Variants in ERICH6B observed in about 807,000 individuals in gnomAD.
ERICH6B encodes the protein glutamate rich 6B.
In ERICH6B, 69 loss-of-function variants were observed where a neutral mutation model predicts 80.0. The ratio of observed to expected loss-of-function variants is 0.86; its 90% CI spans 0.71 to 1.05. ERICH6B has a LOEUF of 1.05. Among genes scored for constraint, ERICH6B ranks in the 50% least tolerant of loss-of-function variants. ERICH6B has a pLI of 0.00. For synonymous variants in ERICH6B, 283 were observed against 291.9 expected (o/e 0.97, Z 0.31); for missense variants, 754 against 796.1 (o/e 0.95, Z 0.64).
chr13:45,568,218 C>G (rs959665263), intron 9 of ERICH6B, 97 bp downstream of exon 9: 14 of 1,342,850 alleles, frequency 1.0e-5, no homozygotes, highest in Non-Finnish European at 1.4e-5. Context: ...TCCTGACTTG[C>G]TCTTTTTTGT....
intron 9 of ERICH6B, among the ~76,000 whole-genome samples, chr13:45,564,848 C>G (rs1174809163): frequency 6.6e-6 from 1 of 152,232 alleles, no homozygotes. Context: ...GTGAGGGGAT[C>G]TAGCCAGAGG....
intron 1 of ERICH6B, among the ~76,000 whole-genome samples, chr13:45,615,355 C>G (rs2138046387): frequency 6.6e-6 from 1 of 152,316 alleles, no homozygotes; most frequent in Admixed American, 6.5e-5. Context: ...CACACTCGCA[C>G]TTCCCCCCAG....
chr13:45,597,247 G>A (rs1876436913), intron 2 of ERICH6B, among the ~76,000 whole-genome samples, 184 bp from the exon 3 acceptor site: 1 of 152,200 alleles, frequency 6.6e-6, no homozygotes, highest in South Asian at 2.1e-4. Context: ...CCCTCAGAGA[G>A]CTGGGTGGGG....
At chr13:45,567,221 G>A (rs1874954067) in intron 9 of ERICH6B, among the ~76,000 whole-genome samples, 1 of 152,208 alleles carries the variant, frequency 6.6e-6, no homozygotes, top group Non-Finnish European at 1.5e-5. Context: ...AGGCTCATAG[G>A]CAGAAGGGAC....
intron 7 of ERICH6B, among the ~76,000 whole-genome samples, chr13:45,576,167 T>A (rs1875393148): frequency 6.6e-6 from 1 of 152,218 alleles, no homozygotes; most frequent in East Asian, 1.9e-4. Flanking sequence ...CCTCCTGGGA[T>A]GGAGAATTTT....
chr13:45,584,663 A>G (rs1054078827), intron 5 of ERICH6B, among the ~76,000 whole-genome samples: 2 of 152,162 alleles, frequency 1.3e-5, no homozygotes, highest in Non-Finnish European at 2.9e-5. Flanking sequence ...CTGCTTGGTG[A>G]CAGGGACACC....
rs141591587 is a variant in ERICH6B, at chr13:45,549,206, C to T, written c.1646+687G>A. Among the ~76,000 whole-genome samples the T allele has an allele frequency of 8.2e-3, 1,249 of 152,020 alleles. 12 individuals are homozygous for T. The highest frequency in any genetic ancestry group is 0.012 in the Non-Finnish European group (822 of 67,978). On this transcript the variant is annotated intron_variant, in intron 13 of 14. Coordinates refer to ENST00000298738, the MANE Select transcript of ERICH6B (RefSeq NM_182542.3). ...GGTTAAGGCAGGAGAATTGCTTGAACCGGGGAGGCAGAGGTTGCAATGAGC... is the reference window on the plus strand; with the variant it reads ...GGTTAAGGCAGGAGAATTGCTTGAATCGGGGAGGCAGAGGTTGCAATGAGC...
intron 6 of ERICH6B, among the ~76,000 whole-genome samples, chr13:45,580,210 C>A (rs1875599007): frequency 6.6e-6 from 1 of 152,148 alleles, no homozygotes; most frequent in African/African-American, 2.4e-5. Flanking sequence ...ATCTTGCCCA[C>A]TAGAGTTCAG....
At chr13:45,565,615 G>A (rs979752169) in intron 9 of ERICH6B, among the ~76,000 whole-genome samples, 4 of 152,208 alleles carry the variant, frequency 2.6e-5, no homozygotes, top group African/African-American at 9.6e-5. Context: ...AGATCTGAAT[G>A]TTATTGAATT....
At chr13:45,563,690 G>A in intron 10 of ERICH6B, 37 bp downstream of exon 10, 6 of 1,529,964 alleles carry the variant, frequency 3.9e-6, no homozygotes, top group Non-Finnish European at 5.3e-6. Context: ...AGACAGGAGA[G>A]CCAGCACGTG....
intron 10 of ERICH6B, 191 bp downstream of exon 10, chr13:45,563,536 C>A: frequency 1.6e-6 from 1 of 611,290 alleles, no homozygotes; most frequent in Admixed American, 2.9e-5. Context: ...AAGAAACTCA[C>A]TGGGGCCCTA....
At chr13:45,586,766 G>A (rs1274198824) in intron 5 of ERICH6B, among the ~76,000 whole-genome samples, 2 of 152,156 alleles carry the variant, frequency 1.3e-5, no homozygotes, top group Non-Finnish European at 2.9e-5. Flanking sequence ...AACAAGAATA[G>A]GAAGACGAAT....
intron 11 of ERICH6B, among the ~76,000 whole-genome samples, chr13:45,550,598 T>A (rs1471501310): frequency 1.3e-5 from 2 of 152,214 alleles, no homozygotes; most frequent in Non-Finnish European, 2.9e-5. Flanking sequence ...TCTCACAAAC[T>A]GGGCATCTTA....
chr13:45,606,541 A>T (rs1428732986), intron 2 of ERICH6B, among the ~76,000 whole-genome samples: 305 of 11,352 alleles, frequency 0.027, 5 homozygotes, highest in Middle Eastern at 0.062. Flanking sequence ...ATATATATAT[A>T]TATATATTTT....
chr13:45,595,917 T>C (rs901803235), intron 3 of ERICH6B, among the ~76,000 whole-genome samples: 2 of 152,208 alleles, frequency 1.3e-5, no homozygotes, highest in Non-Finnish European at 2.9e-5. Flanking sequence ...ACTGCTGGGA[T>C]TGCAGGTGTG....
intron 7 of ERICH6B, among the ~76,000 whole-genome samples, chr13:45,576,826 C>T (rs147922520): frequency 1.3e-5 from 2 of 152,216 alleles, no homozygotes; most frequent in Non-Finnish European, 2.9e-5. Context: ...CAGAAACATT[C>T]GAGTCAATGT....
chr13:45,564,901 T>C (rs993151536), intron 9 of ERICH6B, among the ~76,000 whole-genome samples: 15 of 152,264 alleles, frequency 9.9e-5, no homozygotes, highest in Admixed American at 6.5e-4. Flanking sequence ...CGTCTCTTGT[T>C]TTTTGCCCAC....
At chr13:45,610,122 G>A (rs1257853343) in intron 1 of ERICH6B, among the ~76,000 whole-genome samples, 1 of 152,148 alleles carries the variant, frequency 6.6e-6, no homozygotes, top group East Asian at 1.9e-4. Flanking sequence ...CCATTATTCT[G>A]GAGGTCACAA....
At chr13:45,566,101 C>CT (rs1874900812) in intron 9 of ERICH6B, among the ~76,000 whole-genome samples, 1 of 152,132 alleles carries the variant, frequency 6.6e-6, no homozygotes, top group Non-Finnish European at 1.5e-5. Context: ...TGCCCCTGCC[C>CT]TAGAGATTTG....
Sources: allele counts gnomAD v4.1 joint callset (sites outside exome capture counted in the v4.1 genomes callset), GRCh38; gene constraint gnomAD v4.1.1; transcripts MANE v1.5; gene names NCBI Gene and HGNC (gene_info 2026-07-23, HGNC 2026-07-21).